Variants in MAP4K2 observed in about 807,000 individuals in gnomAD.
MAP4K2 encodes mitogen-activated protein kinase kinase kinase kinase 2.
MAP4K2 carries 85 observed loss-of-function variants against 125.3 expected under a neutral mutation model. The observed-to-expected ratio is 0.68, with a 90% CI of 0.57 to 0.81. The LOEUF (loss-of-function observed/expected upper bound fraction) is 0.81, where lower values mean the gene tolerates loss of function less well. Ranked by LOEUF, MAP4K2 falls within the 40% of genes least tolerant of loss-of-function variation. The probability of loss-of-function intolerance (pLI) is 0.00; values close to 1 mark genes in which losing one functional copy is unlikely to be tolerated. For missense variants in MAP4K2, 923 were observed against 1,056.4 expected (o/e 0.87, Z 1.75); for synonymous variants, 479 against 445.1 (o/e 1.08, Z -0.96).
At chr11:64,791,560 A>G (rs548049859) in intron 27 of MAP4K2, among the ~76,000 whole-genome samples, 41 of 152,268 alleles carry the variant, frequency 2.7e-4, no homozygotes, top group Non-Finnish European at 5.0e-4. Context: ...TTGTAGAGTC[A>G]GGGTCTCGCC....
Position 64,799,595 on chromosome 11 carries a change from G to T in MAP4K2, c.994+10C>A, listed in dbSNP as rs1487750666. ...AATCTGCACACACACAGCCCCTGCT[G>T]CAGACTCACACTGGATCTCCGAGGG... On this transcript the variant is annotated intron_variant, in intron 13 of 31. Transcript: ENST00000294066. 6.2e-7 allele frequency: 1 copy of T among 1,613,892 alleles called. No individual in the cohort carries two copies. Among genetic ancestry groups the T allele is most frequent in the Admixed American group, 1.7e-5 (1 of 60,008 alleles).
At position 64,797,096 on chromosome 11, in the gene MAP4K2, C is replaced by T; in HGVS notation, c.1365+8G>A. 3.1e-6 allele frequency: 5 copies of T among 1,614,158 alleles called. No homozygotes were observed. In the South Asian group the frequency reaches 3.3e-5, roughly 11 times the overall value. On this transcript the variant is annotated splice_region_variant and intron_variant, in intron 19 of 31. Transcript: ENST00000294066. The stretch of plus-strand genomic sequence containing the variant: ...CCGTCTCCCCACCCCACTGTAGCAC[C>T]CTCTTACCTCAGGATCCTCCCGCTG...
In MAP4K2 at chr11:64,799,616, G is replaced by A. The variant is rs770618376; in HGVS notation, c.983C>T (p.Ser328Leu). ...GQHGPAERTP[S>L]EIQFHQVKFG... Reference sequence around the variant, plus strand: ...TGCTGCAGACTCACACTGGATCTCCGAGGGGGTCCTCTCGGCTGGGCCGTG... The same window carrying A: ...TGCTGCAGACTCACACTGGATCTCCAAGGGGGTCCTCTCGGCTGGGCCGTG... Residue 328 changes from serine (S) to leucine (L), a missense_variant, in exon 13 of 32, where the codon TCG becomes TTG. Physicochemically the swap from Ser to Leu is moderately radical, Grantham distance 145 (BLOSUM62 -2). Coordinates refer to ENST00000294066, the MANE Select transcript of MAP4K2 (RefSeq NM_004579.5). 80 of 1,613,866 alleles carry A rather than the reference G, an allele frequency of 5.0e-5. No individual in the cohort carries two copies. Among genetic ancestry groups the A allele is most frequent in the Admixed American group, 6.7e-5 (4 of 59,992 alleles).
Position 64,795,567 on chromosome 11 carries a change from AT to A in MAP4K2, c.1751+705del, listed in dbSNP as rs1191504778. The stretch of plus-strand genomic sequence containing the variant: ...AGGCATGTGCCACCACGCCCGGCTA[AT>A]TTTTTTTGTATTTTTAGTACAGACG... On this transcript the variant is annotated intron_variant, in intron 24 of 31. Coordinates refer to ENST00000294066, the MANE Select transcript of MAP4K2 (RefSeq NM_004579.5). Among the ~76,000 whole-genome samples, 3 of 151,236 alleles carry A rather than the reference AT, an allele frequency of 2.0e-5. No homozygotes were observed. In the South Asian group the frequency reaches 6.3e-4, roughly 32 times the overall value.
Position 64,801,102 on chromosome 11 carries a change from C to G in MAP4K2, c.530+9G>C, listed in dbSNP as rs372757849. The G allele has an allele frequency of 3.1e-6, 5 of 1,613,610 alleles. No homozygotes were observed. In the African/African-American group the frequency reaches 6.7e-5, roughly 22 times the overall value. On this transcript the variant is annotated intron_variant, in intron 8 of 31. Coordinates refer to ENST00000294066, the MANE Select transcript of MAP4K2 (RefSeq NM_004579.5). ...GGCCCCTACCCCTCCGCCCCAGGCG[C>G]AGCCTCACCAGTAGGGAGTCCCAAT...
rs774064500 is a variant in MAP4K2 at position 64,803,106 on chromosome 11, C to T, written c.44G>A (p.Arg15His). 10 of 1,593,936 alleles carry T rather than the reference C, an allele frequency of 6.3e-6. No homozygotes were observed. In the South Asian group the frequency reaches 1.0e-4, roughly 16 times the overall value. ...CCCCACGCGCTGCAGCAGCTCGAAGCGGTCCCGCGGGTCCTGCAGCGACAC... is the reference window on the plus strand; with the variant it reads ...CCCCACGCGCTGCAGCAGCTCGAAGTGGTCCCGCGGGTCCTGCAGCGACAC... ...RDVSLQDPRD[R>H]FELLQRVGAG... is the part of the protein sequence containing the mutation. The change falls in exon 1 of 32, where the codon CGC becomes CAC. Residue 15 changes from arginine (R) to histidine (H), a missense_variant. By Grantham distance (29) the Arg-to-His change is conservative. This residue lies in a region of MAP4K2 where 833 missense variants were observed against 911.4 expected (regional missense o/e 0.91). Coordinates refer to ENST00000294066, the MANE Select transcript of MAP4K2 (RefSeq NM_004579.5).
chr11:64,799,313 C>G, intron 14 of MAP4K2, 108 bp downstream of exon 14: 1 of 1,403,560 alleles, frequency 7.1e-7, no homozygotes, highest in Non-Finnish European at 9.9e-7. Flanking sequence ...GCCCAAGGCC[C>G]GAGGCCACCC....
chr11:64,796,205 G>A, intron 24 of MAP4K2, 68 bp downstream of exon 24: 1 of 1,382,752 alleles, frequency 7.2e-7, no homozygotes, highest in South Asian at 1.4e-5. Context: ...CCAGGAACTG[G>A]CAAGGCCATG....
intron 14 of MAP4K2, among the ~76,000 whole-genome samples, chr11:64,799,078 A>C (rs991911686): frequency 5.3e-5 from 8 of 152,190 alleles, no homozygotes; most frequent in Non-Finnish European, 1.2e-4. Context: ...CCAGTGACAG[A>C]GCCGATGAGG....
At chr11:64,802,317 G>A (rs1405406123) in intron 4 of MAP4K2, 102 bp downstream of exon 4, 1 of 1,281,772 alleles carries the variant, frequency 7.8e-7, no homozygotes, top group Non-Finnish European at 1.1e-6. Context: ...GGCAGGAGTG[G>A]AGAGGAGCCC....
Position 64,787,751 on chromosome 11 carries a change from C to T in MAP4K2, c.*1786G>A, listed in dbSNP as rs1164878332. Reference sequence around the variant, plus strand: ...GAATCTGAGGTCCGGGAAGATCCGCCACAAGGAGGCACTGTCTGCTGCTGG... The same window carrying T: ...GAATCTGAGGTCCGGGAAGATCCGCTACAAGGAGGCACTGTCTGCTGCTGG... On this transcript the variant is annotated 3_prime_UTR_variant, in exon 32 of 32. Coordinates refer to ENST00000294066, the MANE Select transcript of MAP4K2 (RefSeq NM_004579.5). 2.0e-5 allele frequency: 3 copies of T among 152,220 alleles called. No individual in the cohort carries two copies. Among genetic ancestry groups the T allele is most frequent in the Non-Finnish European group, 2.9e-5 (2 of 68,056 alleles). 9.4% of individuals were successfully genotyped at this position (152,220 alleles called of 1,614,324 possible). A position where few individuals can be genotyped will look rare whatever the true frequency, so the allele number is the denominator to read the frequency against.
At position 64,789,168 on chromosome 11, in the gene MAP4K2, T is replaced by C. The variant is rs1436808618; in HGVS notation, c.*369A>G. ...AAACCAGCTTTAATACCAATATAGT[T>C]CTCTCTTAAATACCGTGTTTCCCAG... On this transcript the variant is annotated 3_prime_UTR_variant, in exon 32 of 32. Coordinates refer to ENST00000294066, the MANE Select transcript of MAP4K2 (RefSeq NM_004579.5). The C allele has an allele frequency of 3.3e-6, 1 of 304,994 alleles. No homozygotes were observed. The highest frequency in any genetic ancestry group is 6.3e-6 in the Non-Finnish European group (1 of 158,550). 18.9% of individuals were successfully genotyped at this position (304,994 alleles called of 1,614,324 possible). A position where few individuals can be genotyped will look rare whatever the true frequency, so the allele number is the denominator to read the frequency against.
rs199717471 is a variant in MAP4K2, at chr11:64,797,206, C to T, written c.1277-14G>A. 1.2e-4 allele frequency: 200 copies of T among 1,611,976 alleles called. 1 individual carries two copies. The highest frequency in any genetic ancestry group is 6.4e-4 in the South Asian group (58 of 90,842). ...GGGGCAGGGTTCCTGCAGGCACAGG[C>T]GTGCTGTAATTTCCTGCTGTAGCCC... On this transcript the variant is annotated splice_polypyrimidine_tract_variant and intron_variant, in intron 18 of 31. Coordinates refer to ENST00000294066, the MANE Select transcript of MAP4K2 (RefSeq NM_004579.5).
chr11:64,796,155 G>T, intron 24 of MAP4K2, 118 bp downstream of exon 24: 2 of 901,308 alleles, frequency 2.2e-6, no homozygotes, highest in South Asian at 2.0e-5. Context: ...AGGAGGAAAC[G>T]GGCGCTCAGA....
In MAP4K2 at chr11:64,802,074, C is replaced by A. The variant is rs115646677; in HGVS notation, c.358G>T (p.Ala120Ser). The A allele has an allele frequency of 7.3e-3, 11,814 of 1,612,492 alleles. 76 individuals carry two copies. The highest frequency in any genetic ancestry group is 0.029 in the Middle Eastern group (168 of 5,724). The stretch of plus-strand genomic sequence containing the variant: ...CTCACAGGCCCAGCTACCTTCAGTG[C>A]CTCTCGGCAGACGTAGGCAATCTGC... ...ERQIAYVCRE[A>S]LKGLHHLHSQ... The change falls in exon 5 of 32, where the codon GCA (alanine) becomes TCA (serine). Residue 120 changes from alanine to serine, a missense_variant. Around this residue, in one of 2 missense-constraint regions of MAP4K2, gnomAD observed 833 missense variants for 911.4 expected, o/e 0.91. Coordinates refer to ENST00000294066, the MANE Select transcript of MAP4K2 (RefSeq NM_004579.5).
rs368722505 is a variant in MAP4K2, at chr11:64,797,166, G to C, written c.1303C>G (p.Pro435Ala). The change falls in exon 19 of 32, where the codon CCC (proline) becomes GCC (alanine). Residue 435 changes from proline to alanine, a missense_variant. Physicochemically the swap from Pro to Ala is conservative, Grantham distance 27 (BLOSUM62 -1). Transcript: ENST00000294066. ...GTGGGCAGCAGTGGGGAGCTGTTGG[G>C]GCCTGAAGGAGGTGGGGGCAGGGTT... is the stretch of plus-strand genomic sequence containing the variant. The part of the protein sequence containing the change: ...PGTLPPPPSG[P>A]NSSPLLPTAW... 2.7e-5 allele frequency: 43 copies of C among 1,613,820 alleles called. No individual in the cohort carries two copies. Among genetic ancestry groups the C allele is most frequent in the Non-Finnish European group, 3.6e-5 (43 of 1,179,930 alleles).
intron 10 of MAP4K2, 147 bp downstream of exon 10, chr11:64,800,617 G>T: frequency 5.0e-6 from 6 of 1,203,246 alleles, no homozygotes; most frequent in Non-Finnish European, 6.9e-6. Flanking sequence ...TCAACCCACA[G>T]AAGGACCAGG....
At chr11:64,802,246 A>T in intron 4 of MAP4K2, 125 bp from the exon 5 acceptor site, 1 of 1,069,006 alleles carries the variant, frequency 9.4e-7, no homozygotes, top group Non-Finnish European at 1.4e-6. Flanking sequence ...GTCCCCTCCC[A>T]GTTTAGTCTA....
At chr11:64,798,751 G>A in intron 15 of MAP4K2, 43 bp downstream of exon 15, 1 of 1,610,634 alleles carries the variant, frequency 6.2e-7, no homozygotes, top group East Asian at 2.2e-5. Context: ...CAGCCTTTCT[G>A]CCGCCCCTGC....
Sources: allele counts gnomAD v4.1 joint callset (sites outside exome capture counted in the v4.1 genomes callset), GRCh38; gene constraint gnomAD v4.1.1; regional missense constraint gnomAD v4.1.1; transcripts MANE v1.5; gene names NCBI Gene and HGNC (gene_info 2026-07-23, HGNC 2026-07-21).